Variants in RNF150 observed in about 807,000 individuals in gnomAD.
The protein encoded by RNF150 is ring finger protein 150.
RNF150 carries 24 observed loss-of-function variants against 39.3 expected under a neutral mutation model. The ratio of observed to expected loss-of-function variants is 0.61; its 90% CI spans 0.44 to 0.86. RNF150 has a LOEUF of 0.86. RNF150 is among the 40% of genes least tolerant of loss of function. RNF150 has a pLI of 0.00. For synonymous variants in RNF150, 255 were observed against 227.3 expected (o/e 1.12, Z -1.10); for missense variants, 502 against 587.8 (o/e 0.85, Z 1.51).
intron 1 of RNF150, among the ~76,000 whole-genome samples, chr4:141,126,095 T>TACACACACAC (rs139608178): frequency 1.6e-3 from 240 of 150,212 alleles, no homozygotes; most frequent in South Asian, 7.8e-3. Flanking sequence ...AATAAATACA[T>TACACACACAC]ACACACACAC....
At chr4:141,171,705 C>T (rs6826081) in intron 1 of RNF150, among the ~76,000 whole-genome samples, 9,580 of 152,258 alleles carry the variant, frequency 0.063, 977 homozygotes, top group African/African-American at 0.22. Context: ...TATATAGATA[C>T]ATGTGCATGT....
At chr4:141,026,335 G>A (rs530403034) in intron 1 of RNF150, among the ~76,000 whole-genome samples, 1 of 152,312 alleles carries the variant, frequency 6.6e-6, no homozygotes, top group East Asian at 1.9e-4. Flanking sequence ...TGGAGAGAAT[G>A]ATTTATTCTG....
At chr4:141,049,958 T>G (rs1736715545) in intron 1 of RNF150, among the ~76,000 whole-genome samples, 1 of 152,084 alleles carries the variant, frequency 6.6e-6, no homozygotes, top group Non-Finnish European at 1.5e-5. Flanking sequence ...TATGTACACA[T>G]ATATGTATGT....
Position 140,872,062 on chromosome 4 carries a change from T to C in RNF150, c.1199-3683A>G, listed in dbSNP as rs189812368. 3.3e-3 allele frequency among the ~76,000 whole-genome samples: 508 copies of C among 152,360 alleles called. 7 individuals are homozygous for C. Among genetic ancestry groups the C allele is most frequent in the African/African-American group, 0.011 (476 of 41,580 alleles). On this transcript the variant is annotated intron_variant, in intron 6 of 6. Transcript: ENST00000515673. ...GGATGTGAAATTATTCTAAGTATGTTCTATGTTTTTAATCAAACTTGGTTT... is the reference window on the plus strand; with the variant it reads ...GGATGTGAAATTATTCTAAGTATGTCCTATGTTTTTAATCAAACTTGGTTT...
chr4:141,153,426 AG>A (rs1727332992), intron 1 of RNF150, among the ~76,000 whole-genome samples: 1 of 152,196 alleles, frequency 6.6e-6, no homozygotes, highest in Non-Finnish European at 1.5e-5. Context: ...GTCAAGACAC[AG>A]GGAAAGATGG....
intron 1 of RNF150, among the ~76,000 whole-genome samples, chr4:140,998,248 A>C (rs73858688): frequency 0.076 from 11,542 of 152,244 alleles, 495 homozygotes; most frequent in Middle Eastern, 0.16. Flanking sequence ...CAAACACTCA[A>C]TGTCACTGTA....
chr4:141,178,216 G>A (rs1265194722), intron 1 of RNF150, among the ~76,000 whole-genome samples: 2 of 152,076 alleles, frequency 1.3e-5, no homozygotes, highest in Admixed American at 1.3e-4. Context: ...CTCAATGTCT[G>A]TTGCACCCTC....
intron 1 of RNF150, among the ~76,000 whole-genome samples, chr4:141,049,630 G>A (rs1191372909): frequency 6.6e-6 from 1 of 152,134 alleles, no homozygotes; most frequent in East Asian, 1.9e-4. Flanking sequence ...TCAGGGGGTG[G>A]TGGGGAAAAT....
At chr4:141,035,784 A>G (rs1736117724) in intron 1 of RNF150, among the ~76,000 whole-genome samples, 1 of 152,218 alleles carries the variant, frequency 6.6e-6, no homozygotes, top group Non-Finnish European at 1.5e-5. Context: ...AAGATTGTTC[A>G]AGATACTTTA....
intron 1 of RNF150, among the ~76,000 whole-genome samples, chr4:141,211,350 AT>A (rs1728461223): frequency 6.6e-6 from 1 of 152,190 alleles, no homozygotes; most frequent in South Asian, 2.1e-4. Flanking sequence ...TACGCTTGCT[AT>A]TTCAAGAAAA....
intron 1 of RNF150, among the ~76,000 whole-genome samples, chr4:141,040,728 G>A (rs144608355): frequency 6.6e-6 from 1 of 152,164 alleles, no homozygotes; most frequent in Non-Finnish European, 1.5e-5. Context: ...CCTATGAGCA[G>A]GAAACAGTGG....
chr4:141,128,345 G>T (rs1726805186), intron 1 of RNF150, among the ~76,000 whole-genome samples: 1 of 152,176 alleles, frequency 6.6e-6, no homozygotes, highest in Non-Finnish European at 1.5e-5. Context: ...CCCAAGACCT[G>T]GGAGGTTAAC....
rs193136543 is a variant in RNF150 at position 140,963,880 on chromosome 4, C to T, written c.735+3743G>A. ...TTAATAAGATAGAACTAAGTTGACA[C>T]TTCTGACATTATATATTTTATAACA... On this transcript the variant is annotated intron_variant, in intron 2 of 6. Coordinates refer to ENST00000515673, the MANE Select transcript of RNF150 (RefSeq NM_020724.2). Among the ~76,000 whole-genome samples the T allele has an allele frequency of 4.5e-4, 68 of 152,030 alleles. No homozygotes were observed. In the East Asian group the frequency reaches 0.011, roughly 24 times the overall value.
At chr4:140,940,999 C>T (rs550616053) in intron 4 of RNF150, among the ~76,000 whole-genome samples, 3 of 152,064 alleles carry the variant, frequency 2.0e-5, no homozygotes, top group East Asian at 3.9e-4. Flanking sequence ...TTTTGGGGTA[C>T]ACCTGCTTCA....
intron 1 of RNF150, among the ~76,000 whole-genome samples, chr4:141,209,437 T>A (rs981239028): frequency 1.3e-5 from 2 of 152,200 alleles, no homozygotes; most frequent in African/African-American, 4.8e-5. Context: ...GTTGAGCTGA[T>A]TTGCAGTCTT....
chr4:140,931,055 C>CTG (rs1390931248), intron 4 of RNF150, among the ~76,000 whole-genome samples: 1 of 150,802 alleles, frequency 6.6e-6, no homozygotes, highest in Non-Finnish European at 1.5e-5. Flanking sequence ...GTGAATGAGT[C>CTG]TGTGTGTGTG....
chr4:140,956,297 C>T lies in RNF150; in HGVS notation c.736-6925G>A, dbSNP rs1732751665. 2.0e-5 allele frequency among the ~76,000 whole-genome samples: 3 copies of T among 152,112 alleles called. No homozygotes were observed. In the South Asian group the frequency reaches 6.2e-4, roughly 32 times the overall value. ...TTGCCTTGCCATCCTGCAGGGTTTT[C>T]ATAAGTATGGTAAGAATCAGTGAAT... is the stretch of plus-strand genomic sequence containing the variant. On this transcript the variant is annotated intron_variant, in intron 2 of 6. Coordinates refer to ENST00000515673, the MANE Select transcript of RNF150 (RefSeq NM_020724.2).
intron 1 of RNF150, among the ~76,000 whole-genome samples, chr4:141,010,206 TGAA>T (rs1293480845): frequency 2.0e-5 from 3 of 152,216 alleles, no homozygotes; most frequent in African/African-American, 7.2e-5. Context: ...TATGAAAATT[TGAA>T]GTAGATGGAG....
chr4:140,962,263 G>A (rs1325581453), intron 2 of RNF150, among the ~76,000 whole-genome samples: 1 of 151,778 alleles, frequency 6.6e-6, no homozygotes, highest in Admixed American at 6.6e-5. Context: ...CTAGCTATGT[G>A]TGACTATTTA....
Sources: gnomAD v4.1 joint callset for allele counts (sites outside exome capture counted in the v4.1 genomes callset) on GRCh38, gnomAD v4.1.1 for gene constraint, MANE v1.5 for transcripts, NCBI Gene and HGNC (gene_info 2026-07-23, HGNC 2026-07-21) for gene names.